Variants in TTLL11 observed in about 807,000 individuals in gnomAD.
TTLL11 encodes tubulin tyrosine ligase like 11, also known as tubulin polyglutamylase TTLL11.
Under a neutral mutation model 51.7 loss-of-function variants are expected in TTLL11, and 42 were observed. That is an observed-to-expected ratio of 0.81 (90% CI 0.64 to 1.05). TTLL11 has a LOEUF of 1.05. Among genes scored for constraint, TTLL11 ranks in the 50% least tolerant of loss-of-function variants. The pLI is 0.00. For synonymous variants in TTLL11, 381 were observed against 383.5 expected (o/e 0.99, Z 0.08); for missense variants, 799 against 940.4 (o/e 0.85, Z 1.97).
chr9:121,825,031 G>A (rs1207428693), intron 8 of TTLL11, among the ~76,000 whole-genome samples: 1 of 152,200 alleles, frequency 6.6e-6, no homozygotes, highest in South Asian at 2.1e-4. Context: ...GTTTGATCCT[G>A]ATATGAGGAG....
At chr9:121,857,769 G>A (rs1837872791) in intron 8 of TTLL11, among the ~76,000 whole-genome samples, 1 of 152,156 alleles carries the variant, frequency 6.6e-6, no homozygotes, top group Non-Finnish European at 1.5e-5. Flanking sequence ...ATTGCGGACA[G>A]CCCCCGTGGA....
rs1160284908 is a variant in TTLL11, at chr9:121,890,144, T to C, written c.1482-19396A>G. Among the ~76,000 whole-genome samples, 1 of 152,152 alleles carries C rather than the reference T, an allele frequency of 6.6e-6. No homozygotes were observed. The highest frequency in any genetic ancestry group is 2.4e-5 in the African/African-American group (1 of 41,438). ...GGGCAAGTTACTTTTCAGTTAGTCATTTTTCTACCCCAATTCTGAGCCTCC... is the reference window on the plus strand; with the variant it reads ...GGGCAAGTTACTTTTCAGTTAGTCACTTTTCTACCCCAATTCTGAGCCTCC... On this transcript the variant is annotated intron_variant, in intron 6 of 8. Transcript: ENST00000321582. This position sits in a 1 kb window ranked among gnomAD's most constrained non-coding sequence, Gnocchi z 4.3.
In TTLL11 at chr9:122,092,918, G is replaced by A. The variant is rs1175843796; in HGVS notation, c.231C>T (p.Asn77=). The change falls in exon 1 of 9, where the codon AAC becomes AAT. Residue 77 remains asparagine, a synonymous_variant. Coordinates refer to ENST00000321582, the MANE Select transcript of TTLL11 (RefSeq NM_001139442.2). ...GCGGCGGCCGCTGAAGGACCTGGGT[G>A]TTCCCCTCCTCAGCCGCACTGGGCT... ...PAQPSAAEEG[N]TQVLQRPPPT... 2 of 1,579,278 alleles carry A rather than the reference G, an allele frequency of 1.3e-6. No individual in the cohort carries two copies. Among genetic ancestry groups the A allele is most frequent in the Non-Finnish European group, 1.7e-6 (2 of 1,170,474 alleles).
chr9:121,953,268 C>T lies in TTLL11; in HGVS notation c.1481+20741G>A, dbSNP rs187337907. 2.4e-3 allele frequency among the ~76,000 whole-genome samples: 365 copies of T among 152,248 alleles called. 2 individuals are homozygous for T. The highest frequency in any genetic ancestry group is 8.5e-3 in the African/African-American group (353 of 41,540). ...TAATTGAAGAAGAAGCCATGCTCCACCAATTTAGAGATCTTTGTCTGGGGT... is the reference window on the plus strand; with the variant it reads ...TAATTGAAGAAGAAGCCATGCTCCATCAATTTAGAGATCTTTGTCTGGGGT... On this transcript the variant is annotated intron_variant, in intron 6 of 8. Coordinates refer to ENST00000321582, the MANE Select transcript of TTLL11 (RefSeq NM_001139442.2).
chr9:122,016,437 G>T (rs1843983811), intron 3 of TTLL11, among the ~76,000 whole-genome samples: 1 of 152,162 alleles, frequency 6.6e-6, no homozygotes, highest in Non-Finnish European at 1.5e-5. Context: ...TTGTCTACAG[G>T]AAGGAAAATG....
At chr9:121,895,471 TTGTA>T (rs1371969800) in intron 6 of TTLL11, among the ~76,000 whole-genome samples, 2 of 151,500 alleles carry the variant, frequency 1.3e-5, no homozygotes, top group Non-Finnish European at 2.9e-5. Flanking sequence ...AAATGTGTGG[TTGTA>T]TGAGTGTTAG....
chr9:121,855,452 T>A (rs1837785290), intron 8 of TTLL11, among the ~76,000 whole-genome samples: 1 of 152,214 alleles, frequency 6.6e-6, no homozygotes. Context: ...AATAGCAAGG[T>A]CTCCTTTTGC....
intron 6 of TTLL11, among the ~76,000 whole-genome samples, chr9:121,967,740 C>T (rs1842444531): frequency 6.6e-6 from 1 of 152,182 alleles, no homozygotes; most frequent in Admixed American, 6.5e-5. Flanking sequence ...ACGGCATCCA[C>T]CCAAATGTCC....
chr9:122,027,514 T>C (rs973011458), intron 3 of TTLL11, among the ~76,000 whole-genome samples: 5 of 152,158 alleles, frequency 3.3e-5, no homozygotes, highest in South Asian at 2.1e-4. Flanking sequence ...ATAAAGAGCA[T>C]AGGTTATTTC....
intron 6 of TTLL11, among the ~76,000 whole-genome samples, chr9:121,910,525 T>G (rs536816295): frequency 6.6e-6 from 1 of 152,224 alleles, no homozygotes; most frequent in Non-Finnish European, 1.5e-5. Context: ...AAAACAGTGA[T>G]GCATCATTAC....
rs1230489015 is a variant in TTLL11 at position 121,826,555 on chromosome 9, G to GTATATATATATATATATA, written c.1841-3677_1841-3676insTATATATATATATATATA. 1.8e-3 allele frequency among the ~76,000 whole-genome samples: 86 copies of GTATATATATATATATATA among 48,102 alleles called. 1 individual carries two copies. Among genetic ancestry groups the GTATATATATATATATATA allele is most frequent in the African/African-American group, 6.9e-3 (73 of 10,540 alleles). 31.6% of individuals were successfully genotyped at this position (48,102 alleles called of 152,430 possible). Reference sequence around the variant, plus strand: ...TGTGTGTGTATATATATATATGTGTGTGTATATATATATATATATATATAT... The same window carrying GTATATATATATATATATA: ...TGTGTGTGTATATATATATATGTGTGTATATATATATATATATATGTATATATATATATATATATATAT... On this transcript the variant is annotated intron_variant, in intron 8 of 8. Coordinates refer to ENST00000321582, the MANE Select transcript of TTLL11 (RefSeq NM_001139442.2).
At chr9:121,827,812 G>A (rs1374386105) in intron 8 of TTLL11, among the ~76,000 whole-genome samples, 1 of 142,916 alleles carries the variant, frequency 7.0e-6, no homozygotes, top group Non-Finnish European at 1.5e-5. Flanking sequence ...AGGGGGTGGG[G>A]ATTGGGCGGG....
chr9:121,893,584 T>C (rs753067449), intron 6 of TTLL11, among the ~76,000 whole-genome samples: 16 of 152,176 alleles, frequency 1.1e-4, no homozygotes, highest in Non-Finnish European at 1.6e-4. Flanking sequence ...TATCAAAACA[T>C]GTCCTTTCCC....
rs1407819201 is a variant in TTLL11, at chr9:121,971,091, C to T, written c.1481+2918G>A. Among the ~76,000 whole-genome samples the T allele has an allele frequency of 2.8e-4, 38 of 137,772 alleles. 1 individual carries two copies. The highest frequency in any genetic ancestry group is 4.9e-4 in the Non-Finnish European group (31 of 63,120). 90.4% of individuals were successfully genotyped at this position (137,772 alleles called of 152,430 possible). ...GTGGGGGGGTCAGCCCCCCGCCCGG[C>T]CAGCCGCCCCGTCCGGGAGGGAGGT... On this transcript the variant is annotated intron_variant, in intron 6 of 8. Coordinates refer to ENST00000321582, the MANE Select transcript of TTLL11 (RefSeq NM_001139442.2).
intron 6 of TTLL11, among the ~76,000 whole-genome samples, chr9:121,924,782 C>T (rs548423307): frequency 1.4e-4 from 20 of 146,114 alleles, no homozygotes; most frequent in African/African-American, 4.8e-4. Context: ...TTTTTTTAAC[C>T]TGAGCAAAAA....
At chr9:121,938,284 G>C (rs961778113) in intron 6 of TTLL11, among the ~76,000 whole-genome samples, 1 of 108,300 alleles carries the variant, frequency 9.2e-6, no homozygotes, top group Admixed American at 9.5e-5. Flanking sequence ...GTGAGACGCT[G>C]TCTCAAAAAG....
chr9:122,013,406 A>G (rs1174833240), intron 3 of TTLL11, among the ~76,000 whole-genome samples: 2 of 151,910 alleles, frequency 1.3e-5, no homozygotes, highest in East Asian at 3.9e-4. Flanking sequence ...AGATTTGGAG[A>G]CATCGGCTCT....
intron 6 of TTLL11, among the ~76,000 whole-genome samples, chr9:121,893,168 C>T (rs182983591): frequency 2.2e-4 from 33 of 151,824 alleles, no homozygotes; most frequent in Non-Finnish European, 4.4e-4. Flanking sequence ...TCCTATTTTC[C>T]TAATTATAAA....
chr9:121,941,752 G>A (rs1467809643), intron 6 of TTLL11, among the ~76,000 whole-genome samples: 3 of 152,052 alleles, frequency 2.0e-5, no homozygotes, highest in Non-Finnish European at 2.9e-5. Flanking sequence ...GCTCATCTTC[G>A]GGACTGTCCC....
Sources: gnomAD v4.1 joint callset for allele counts (sites outside exome capture counted in the v4.1 genomes callset) on GRCh38, gnomAD v4.1.1 for gene constraint, Gnocchi (gnomAD v3.1) non-coding constraint, MANE v1.5 for transcripts, NCBI Gene and HGNC (gene_info 2026-07-23, HGNC 2026-07-21) for gene names.